The following APBA2 variants were observed in gnomAD, a reference collection of about 807,000 sequenced individuals.
APBA2 encodes amyloid-beta A4 precursor protein-binding family A member 2.
Under a neutral mutation model 75.0 loss-of-function variants are expected in APBA2, and 30 were observed. The ratio of observed to expected loss-of-function variants is 0.40; its 90% CI spans 0.30 to 0.54. APBA2 has a LOEUF of 0.54. Ranked by LOEUF, APBA2 falls within the 20% of genes least tolerant of loss-of-function variation. The pLI is 0.49. For missense variants in APBA2, 801 were observed against 1,016.1 expected (o/e 0.79, Z 2.88); for synonymous variants, 444 against 409.6 (o/e 1.08, Z -1.01).
chr15:29,009,960 A>G (rs930866860), intron 3 of APBA2, among the ~76,000 whole-genome samples: 1 of 152,096 alleles, frequency 6.6e-6, no homozygotes, highest in Non-Finnish European at 1.5e-5. Flanking sequence ...GTATGTTTCT[A>G]TTTTAGTGAA....
At chr15:28,981,900 C>T (rs61070002) in intron 2 of APBA2, among the ~76,000 whole-genome samples, 1,957 of 152,272 alleles carry the variant, frequency 0.013, 58 homozygotes, top group African/African-American at 0.045. Flanking sequence ...CAAATTAACA[C>T]AGAAACAGAA....
intron 2 of APBA2, among the ~76,000 whole-genome samples, chr15:28,950,575 T>C (rs4456469): frequency 0.27 from 40,106 of 150,582 alleles, 9,539 homozygotes; most frequent in African/African-American, 0.62. Context: ...TGCAGTGAGC[T>C]GAGATCACGC....
At chr15:28,900,955 C>G (rs2032815229) in intron 1 of APBA2, among the ~76,000 whole-genome samples, 1 of 152,224 alleles carries the variant, frequency 6.6e-6, no homozygotes, top group African/African-American at 2.4e-5. Flanking sequence ...CCCCTGGATC[C>G]CAGCACCTGG....
At chr15:28,990,913 C>A (rs75273662) in intron 2 of APBA2, 2 of 152,328 alleles carry the variant, frequency 1.3e-5, no homozygotes, top group East Asian at 3.9e-4. Context: ...ACAATTGTTT[C>A]TGGAAGTTAG....
chr15:28,958,655 A>G (rs1439278081), intron 2 of APBA2, among the ~76,000 whole-genome samples: 4 of 152,026 alleles, frequency 2.6e-5, no homozygotes, highest in African/African-American at 9.7e-5. Context: ...GGTAATGAGA[A>G]CTCATGAACC....
chr15:28,903,915 G>A lies in APBA2; in HGVS notation c.-205+17637G>A, dbSNP rs571991871. 5.6e-4 allele frequency among the ~76,000 whole-genome samples: 85 copies of A among 152,268 alleles called. No homozygotes were observed. In the South Asian group the frequency reaches 0.017, roughly 30 times the overall value. On this transcript the variant is annotated intron_variant, in intron 1 of 14. Transcript: ENST00000683413. ...CCTGAGGAGGGACAAGGACAAGTCA[G>A]AGGAAGTGATTCCTACGGGTCTTAC...
intron 3 of APBA2, among the ~76,000 whole-genome samples, chr15:29,033,997 G>A (rs977363319): frequency 1.2e-4 from 17 of 137,716 alleles, no homozygotes; most frequent in African/African-American, 4.8e-4. Flanking sequence ...AAAGAAGAAG[G>A]GACACCTAGG....
At chr15:28,934,297 G>A (rs1423699546) in intron 2 of APBA2, among the ~76,000 whole-genome samples, 1 of 152,136 alleles carries the variant, frequency 6.6e-6, no homozygotes, top group African/African-American at 2.4e-5. Flanking sequence ...AGGACAAGCA[G>A]CTGTGGACTC....
At chr15:29,004,102 C>G (rs2038990728) in intron 3 of APBA2, among the ~76,000 whole-genome samples, 1 of 152,162 alleles carries the variant, frequency 6.6e-6, no homozygotes, top group South Asian at 2.1e-4. Flanking sequence ...GTAGCATGCT[C>G]CACACCTGCT....
intron 1 of APBA2, among the ~76,000 whole-genome samples, chr15:28,894,662 C>T (rs527274086): frequency 5.3e-5 from 8 of 152,226 alleles, no homozygotes; most frequent in African/African-American, 1.9e-4. Flanking sequence ...GCTTGGTGGC[C>T]CTAGAGAGTC....
chr15:29,034,330 C>T (rs2040637500), intron 3 of APBA2, among the ~76,000 whole-genome samples: 2 of 152,194 alleles, frequency 1.3e-5, no homozygotes, highest in African/African-American at 4.8e-5. Context: ...CACCAACCTC[C>T]ATCCTGAGTC....
chr15:29,048,786 A>G (rs1416469240), intron 3 of APBA2, among the ~76,000 whole-genome samples: 1 of 151,634 alleles, frequency 6.6e-6, no homozygotes, highest in East Asian at 1.9e-4. Flanking sequence ...AAAAAATACA[A>G]AAATTAGCTG....
intron 2 of APBA2, chr15:28,961,283 G>A (rs1192258708): frequency 6.6e-6 from 1 of 152,280 alleles, no homozygotes; most frequent in African/African-American, 2.4e-5. Flanking sequence ...TCTAGAAAGG[G>A]CCTAATGACA....
intron 2 of APBA2, among the ~76,000 whole-genome samples, chr15:28,969,128 T>TTTTCTTTTCTTTCTTTC (rs1555383717): frequency 1.5e-5 from 2 of 137,026 alleles, no homozygotes; most frequent in African/African-American, 5.1e-5. Context: ...TTTCATTTCT[T>TTTTCTTTTCTTTCTTTC]TTTCTTTCTT....
intron 10 of APBA2, among the ~76,000 whole-genome samples, chr15:29,103,968 C>G (rs1157553356): frequency 6.6e-6 from 1 of 152,206 alleles, no homozygotes. Flanking sequence ...TGGGTCTGTG[C>G]GCGCGGCAGA....
intron 2 of APBA2, among the ~76,000 whole-genome samples, chr15:28,946,525 A>G (rs1047866742): frequency 5.3e-5 from 8 of 152,190 alleles, no homozygotes; most frequent in Non-Finnish European, 1.2e-4. Context: ...AGTCGACACC[A>G]TGACCTTAGC....
chr15:28,963,731 A>G (rs1284539556), intron 2 of APBA2, among the ~76,000 whole-genome samples: 1 of 152,226 alleles, frequency 6.6e-6, no homozygotes, highest in Non-Finnish European at 1.5e-5. Context: ...TTAGATTCAC[A>G]GGAGGTTGCA....
intron 6 of APBA2, among the ~76,000 whole-genome samples, chr15:29,077,107 CA>C (rs2152927286): frequency 6.6e-6 from 1 of 152,258 alleles, no homozygotes; most frequent in Non-Finnish European, 1.5e-5. Context: ...CCATTTTGAC[CA>C]ATTCAGATAG....
At chr15:28,979,231 G>A (rs1002167444) in intron 2 of APBA2, among the ~76,000 whole-genome samples, 8 of 151,922 alleles carry the variant, frequency 5.3e-5, no homozygotes, top group Admixed American at 2.6e-4. Context: ...TCTTTCTCTC[G>A]GGCCCTACCA....
Sources: gnomAD v4.1 joint callset for allele counts (sites outside exome capture counted in the v4.1 genomes callset) on GRCh38, gnomAD v4.1.1 for gene constraint, MANE v1.5 for transcripts, NCBI Gene and HGNC (gene_info 2026-07-23, HGNC 2026-07-21) for gene names.